SLC7A1: variants seen among roughly 807,000 people sequenced by gnomAD.
SLC7A1 encodes high affinity cationic amino acid transporter 1.
SLC7A1 carries 10 observed loss-of-function variants against 53.9 expected under a neutral mutation model. The observed-to-expected ratio is 0.19, with a 90% CI of 0.11 to 0.31. The LOEUF (loss-of-function observed/expected upper bound fraction) is 0.31. Ranked by LOEUF, SLC7A1 falls within the 10% of genes least tolerant of loss-of-function variation. The probability of loss-of-function intolerance (pLI) is 1.00; values close to 1 mark genes in which losing one functional copy is unlikely to be tolerated. For synonymous variants in SLC7A1, 342 were observed against 338.7 expected (o/e 1.01, Z -0.11); for missense variants, 525 against 827.2 (o/e 0.63, Z 4.48).
intron 1 of SLC7A1, among the ~76,000 whole-genome samples, chr13:29,554,536 G>A (rs768464702): frequency 2.0e-5 from 3 of 152,160 alleles, no homozygotes; most frequent in Admixed American, 1.3e-4. Context: ...CTGAGGACAC[G>A]CTACGAAGAA....
Position 29,514,142 on chromosome 13 carries a change from G to A in SLC7A1, c.*338C>T, listed in dbSNP as rs1883482162. 2.7e-5 allele frequency: 8 copies of A among 301,820 alleles called. No homozygotes were observed. In the East Asian group the frequency reaches 5.4e-4, roughly 20 times the overall value. 18.7% of individuals were successfully genotyped at this position (301,820 alleles called of 1,614,324 possible). ...AGGAAGGCCTGGTTCCCAAGATAAGGAGAGAAGGTGACCTCCGTTCTGCCT... is the reference window on the plus strand; with the variant it reads ...AGGAAGGCCTGGTTCCCAAGATAAGAAGAGAAGGTGACCTCCGTTCTGCCT... On this transcript the variant is annotated 3_prime_UTR_variant, in exon 13 of 13. Transcript: ENST00000380752.
intron 2 of SLC7A1, among the ~76,000 whole-genome samples, chr13:29,548,190 G>A (rs746313682): frequency 3.3e-5 from 5 of 152,188 alleles, no homozygotes; most frequent in Non-Finnish European, 5.9e-5. Flanking sequence ...TCTCTCACCC[G>A]ATAGCCTCCA....
chr13:29,524,487 G>T (rs922660829), intron 5 of SLC7A1, among the ~76,000 whole-genome samples: 2 of 152,172 alleles, frequency 1.3e-5, no homozygotes, highest in East Asian at 1.9e-4. Flanking sequence ...GCCCCTTCCA[G>T]AAGCATCTTC....
At chr13:29,549,665 A>ATTGT (rs1343397762) in intron 2 of SLC7A1, among the ~76,000 whole-genome samples, 1 of 152,132 alleles carries the variant, frequency 6.6e-6, no homozygotes, top group South Asian at 2.1e-4. Context: ...GGTTACATCT[A>ATTGT]TTGTTTGTTT....
rs9551697 is a variant in SLC7A1, at chr13:29,572,261, G to A, written c.-114-18401C>T. On this transcript the variant is annotated intron_variant, in intron 1 of 12. Transcript: ENST00000380752. Reference sequence around the variant, plus strand: ...CCAGAGAAGCCCAGTGGACCAGTGCGGGCCCCCCAGCCCTCAGGGCAGAGC... The same window carrying A: ...CCAGAGAAGCCCAGTGGACCAGTGCAGGCCCCCCAGCCCTCAGGGCAGAGC... 2.9e-3 allele frequency among the ~76,000 whole-genome samples: 446 copies of A among 152,348 alleles called. 3 individuals are homozygous for A. Among genetic ancestry groups the A allele is most frequent in the African/African-American group, 9.1e-3 (380 of 41,588 alleles).
chr13:29,577,858 C>T (rs1489907747), intron 1 of SLC7A1, among the ~76,000 whole-genome samples: 1 of 152,212 alleles, frequency 6.6e-6, no homozygotes, highest in Admixed American at 6.5e-5. Flanking sequence ...CCAAGCACCG[C>T]TAGCCCCCGC....
chr13:29,514,634 C>T (rs553490112), intron 12 of SLC7A1, 51 bp from the exon 13 acceptor site: 54 of 1,409,746 alleles, frequency 3.8e-5, no homozygotes, highest in South Asian at 8.5e-5. Context: ...GTTGCACCAC[C>T]GCAGGCAGGG....
intron 1 of SLC7A1, among the ~76,000 whole-genome samples, chr13:29,593,005 C>T (rs997625727): frequency 7.9e-5 from 12 of 152,010 alleles, no homozygotes; most frequent in Non-Finnish European, 1.3e-4. Context: ...CCAGATTTGG[C>T]GAGAGGAGCC....
chr13:29,525,673 G>GA, intron 5 of SLC7A1, among the ~76,000 whole-genome samples: 1 of 152,218 alleles, frequency 6.6e-6, no homozygotes, highest in East Asian at 1.9e-4. Flanking sequence ...ACATGCATGA[G>GA]AAAGCTCATG....
chr13:29,567,560 G>A (rs989199764), intron 1 of SLC7A1, among the ~76,000 whole-genome samples: 35 of 152,198 alleles, frequency 2.3e-4, no homozygotes, highest in Admixed American at 2.0e-4. Context: ...TGCTCAAAGG[G>A]CTTGGCCGCA....
chr13:29,570,988 CTA>C (rs1871167323), intron 1 of SLC7A1, among the ~76,000 whole-genome samples: 2 of 152,128 alleles, frequency 1.3e-5, no homozygotes, highest in African/African-American at 4.8e-5. Flanking sequence ...ATAGTATGCG[CTA>C]TATGTTAACT....
intron 1 of SLC7A1, among the ~76,000 whole-genome samples, chr13:29,562,856 A>G (rs1365372234): frequency 1.3e-5 from 2 of 152,224 alleles, no homozygotes; most frequent in African/African-American, 4.8e-5. Context: ...AAACAGTAAG[A>G]TATTTATCCT....
intron 1 of SLC7A1, among the ~76,000 whole-genome samples, chr13:29,573,010 CTTT>C (rs1566274213): frequency 6.6e-6 from 1 of 152,138 alleles, no homozygotes; most frequent in Non-Finnish European, 1.5e-5. Flanking sequence ...TACAAGAAAC[CTTT>C]CTTGAAAATG....
chr13:29,571,891 T>C lies in SLC7A1; in HGVS notation c.-114-18031A>G, dbSNP rs536088458. Among the ~76,000 whole-genome samples the C allele has an allele frequency of 2.0e-3, 309 of 152,376 alleles. 2 individuals carry two copies. The highest frequency in any genetic ancestry group is 7.3e-3 in the African/African-American group (303 of 41,592). ...ATTTCAAGGGCATTTTTTGTTTTGCTCATCCCCTCCAACCTGCTTGTATTA... is the reference window on the plus strand; with the variant it reads ...ATTTCAAGGGCATTTTTTGTTTTGCCCATCCCCTCCAACCTGCTTGTATTA... On this transcript the variant is annotated intron_variant, in intron 1 of 12. Coordinates refer to ENST00000380752, the MANE Select transcript of SLC7A1 (RefSeq NM_003045.5).
intron 2 of SLC7A1, among the ~76,000 whole-genome samples, chr13:29,537,305 C>A (rs533287636): frequency 1.3e-5 from 2 of 152,236 alleles, no homozygotes; most frequent in African/African-American, 4.8e-5. Context: ...TTCATCTCCA[C>A]AGTCTTTCCC....
intron 1 of SLC7A1, among the ~76,000 whole-genome samples, chr13:29,589,564 G>A (rs946910768): frequency 6.6e-6 from 1 of 152,218 alleles, no homozygotes; most frequent in Non-Finnish European, 1.5e-5. Flanking sequence ...GGACTTGGGA[G>A]GGGGAAGACC....
chr13:29,585,552 G>A (rs1367766152), intron 1 of SLC7A1, among the ~76,000 whole-genome samples: 4 of 152,076 alleles, frequency 2.6e-5, no homozygotes, highest in Non-Finnish European at 4.4e-5. Context: ...TGTAGACTGC[G>A]GTCAAAGAAG....
At position 29,509,513 on chromosome 13, in the gene SLC7A1, G is replaced by A. The variant is rs1883334519; in HGVS notation, c.*4967C>T. 6.6e-6 allele frequency: 1 copy of A among 152,636 alleles called. No homozygotes were observed. Among genetic ancestry groups the A allele is most frequent in the African/African-American group, 2.4e-5 (1 of 41,460 alleles). The allele number at this position is 152,636 out of a possible 1,614,324, so 9.5% of individuals were successfully genotyped here. A position where few individuals can be genotyped will look rare whatever the true frequency, so the allele number is the denominator to read the frequency against. Reference sequence around the variant, plus strand: ...TAAAGTATGGTAGGAAGTGGTCAATGTACACAGTGTTGTCAGCAAAAAGGG... The same window carrying A: ...TAAAGTATGGTAGGAAGTGGTCAATATACACAGTGTTGTCAGCAAAAAGGG... On this transcript the variant is annotated 3_prime_UTR_variant, in exon 13 of 13. Transcript: ENST00000380752.
At chr13:29,530,507 CTAAG>C (rs769813076) in intron 5 of SLC7A1, 27 bp downstream of exon 5, 3 of 1,606,192 alleles carry the variant, frequency 1.9e-6, no homozygotes, top group Non-Finnish European at 1.7e-6. Flanking sequence ...TAAATGTCAA[CTAAG>C]AAAAATGGTC....
Sources: gnomAD v4.1 joint callset for allele counts (sites outside exome capture counted in the v4.1 genomes callset) on GRCh38, gnomAD v4.1.1 for gene constraint, MANE v1.5 for transcripts, NCBI Gene and HGNC (gene_info 2026-07-23, HGNC 2026-07-21) for gene names.